The following DCBLD2 variants were observed in gnomAD, a reference collection of about 807,000 sequenced individuals.
DCBLD2 encodes discoidin, CUB and LCCL domain containing 2.
DCBLD2 carries 54 observed loss-of-function variants against 86.8 expected under a neutral mutation model. The observed-to-expected ratio is 0.62, with a 90% CI of 0.50 to 0.78. DCBLD2 has a LOEUF of 0.78. Among genes scored for constraint, DCBLD2 ranks in the 30% least tolerant of loss-of-function variants. The probability of loss-of-function intolerance (pLI) is 0.00; values close to 1 mark genes in which losing one functional copy is unlikely to be tolerated. For synonymous variants in DCBLD2, 354 were observed against 341.3 expected (o/e 1.04, Z -0.41); for missense variants, 908 against 954.2 (o/e 0.95, Z 0.64).
In DCBLD2 at chr3:98,901,102, A is replaced by T; in HGVS notation, c.205+20T>A. 1 of 1,538,712 alleles carries T rather than the reference A, an allele frequency of 6.5e-7. No homozygotes were observed. Among genetic ancestry groups the T allele is most frequent in the Admixed American group, 2.0e-5 (1 of 50,980 alleles). ...CCCGACGGAGGTTCCCCCGCCGCTCACTCCCCTGGGACCACTCACCTTGCT... is the reference window on the plus strand; with the variant it reads ...CCCGACGGAGGTTCCCCCGCCGCTCTCTCCCCTGGGACCACTCACCTTGCT... On this transcript the variant is annotated intron_variant, in intron 1 of 15. Transcript: ENST00000326840.
intron 1 of DCBLD2, among the ~76,000 whole-genome samples, chr3:98,886,760 G>A (rs1439180357): frequency 6.7e-6 from 1 of 148,458 alleles, no homozygotes; most frequent in Non-Finnish European, 1.5e-5. Flanking sequence ...AAGGTCAGAT[G>A]TGTTAAGCCA....
intron 1 of DCBLD2, among the ~76,000 whole-genome samples, chr3:98,898,334 G>A (rs1466292524): frequency 6.6e-6 from 1 of 150,864 alleles, no homozygotes; most frequent in Non-Finnish European, 1.5e-5. Flanking sequence ...AATATATTCT[G>A]CTATTTCAAA....
At chr3:98,832,005 C>T (rs1208570022) in intron 3 of DCBLD2, among the ~76,000 whole-genome samples, 1 of 152,128 alleles carries the variant, frequency 6.6e-6, no homozygotes, top group Non-Finnish European at 1.5e-5. Context: ...TGTTAATTTT[C>T]TGCTTAGATG....
chr3:98,884,818 G>A (rs1943531615), intron 1 of DCBLD2, among the ~76,000 whole-genome samples: 1 of 152,146 alleles, frequency 6.6e-6, no homozygotes, highest in Non-Finnish European at 1.5e-5. Flanking sequence ...TCTATTAACA[G>A]CTGAATCTAC....
chr3:98,843,378 G>A (rs538209299), intron 3 of DCBLD2, among the ~76,000 whole-genome samples: 12 of 152,134 alleles, frequency 7.9e-5, no homozygotes, highest in African/African-American at 2.9e-4. Flanking sequence ...TAACAAATAG[G>A]AACCTAGCCA....
At chr3:98,864,524 A>G (rs1419945447) in intron 2 of DCBLD2, among the ~76,000 whole-genome samples, 1 of 152,264 alleles carries the variant, frequency 6.6e-6, no homozygotes, top group Non-Finnish European at 1.5e-5. Flanking sequence ...CTATGCAACC[A>G]TAAAAAAAGA....
chr3:98,801,438 T>C, intron 14 of DCBLD2, 162 bp downstream of exon 14: 1 of 484,864 alleles, frequency 2.1e-6, no homozygotes, highest in East Asian at 3.1e-5. Flanking sequence ...CAAGAGACTT[T>C]GCAGAAGGGT....
chr3:98,882,202 T>G (rs1943483890), intron 1 of DCBLD2, among the ~76,000 whole-genome samples: 1 of 152,196 alleles, frequency 6.6e-6, no homozygotes, highest in South Asian at 2.1e-4. Flanking sequence ...GTTACTTATA[T>G]AATTTATAAG....
chr3:98,859,444 C>T (rs576268663), intron 2 of DCBLD2, among the ~76,000 whole-genome samples: 1 of 152,296 alleles, frequency 6.6e-6, no homozygotes, highest in Non-Finnish European at 1.5e-5. Flanking sequence ...GGGTCCCTGA[C>T]CCCCAAGTAG....
At chr3:98,890,462 A>G (rs1277866037) in intron 1 of DCBLD2, 2 of 152,130 alleles carry the variant, frequency 1.3e-5, no homozygotes, top group East Asian at 3.8e-4. Flanking sequence ...CATAACTGTG[A>G]GACAATAAAT....
At chr3:98,825,433 G>T in intron 3 of DCBLD2, 67 bp from the exon 4 acceptor site, 1 of 1,231,086 alleles carries the variant, frequency 8.1e-7, no homozygotes, top group Non-Finnish European at 1.1e-6. Context: ...AACTCCAAGT[G>T]TCTCAGAATC....
At chr3:98,864,319 T>TA (rs1342529718) in intron 2 of DCBLD2, among the ~76,000 whole-genome samples, 1 of 152,164 alleles carries the variant, frequency 6.6e-6, no homozygotes. Flanking sequence ...ATCTAGAACT[T>TA]AAAATACCAT....
intron 3 of DCBLD2, among the ~76,000 whole-genome samples, chr3:98,833,991 G>C (rs905763551): frequency 6.6e-6 from 1 of 152,170 alleles, no homozygotes; most frequent in Non-Finnish European, 1.5e-5. Context: ...GACTACTCCA[G>C]TAAACTAGGG....
chr3:98,848,283 T>C (rs1490967733), intron 3 of DCBLD2, among the ~76,000 whole-genome samples: 1 of 152,356 alleles, frequency 6.6e-6, no homozygotes, highest in East Asian at 1.9e-4. Context: ...GCTCCATCCA[T>C]GTCCCTGCAA....
chr3:98,888,587 A>G (rs1943600434), intron 1 of DCBLD2, among the ~76,000 whole-genome samples: 1 of 152,050 alleles, frequency 6.6e-6, no homozygotes, highest in Non-Finnish European at 1.5e-5. Flanking sequence ...GTCCTAAGCC[A>G]TAACAATGTG....
intron 3 of DCBLD2, among the ~76,000 whole-genome samples, chr3:98,845,805 G>C (rs946976220): frequency 6.6e-6 from 1 of 152,032 alleles, no homozygotes; most frequent in South Asian, 2.1e-4. Flanking sequence ...CTACCATCAG[G>C]TTTTTGCACC....
intron 13 of DCBLD2, among the ~76,000 whole-genome samples, chr3:98,803,894 C>G (rs1309856442): frequency 1.7e-4 from 26 of 152,160 alleles, no homozygotes; most frequent in Non-Finnish European, 3.4e-4. Context: ...AGGGATGAAG[C>G]CCACTTGATC....
At chr3:98,813,917 A>C (rs1660804308) in intron 9 of DCBLD2, 1 of 152,212 alleles carries the variant, frequency 6.6e-6, no homozygotes, top group African/African-American at 2.4e-5. Flanking sequence ...CAGGGCAGCA[A>C]CTTGACTCTG....
At chr3:98,811,047 T>C (rs1361277361) in intron 12 of DCBLD2, 147 bp downstream of exon 12, 4 of 903,508 alleles carry the variant, frequency 4.4e-6, no homozygotes, top group East Asian at 3.1e-5. Flanking sequence ...AGTCTTTTCC[T>C]ATGAAAGAAA....
Sources: allele counts gnomAD v4.1 joint callset (sites outside exome capture counted in the v4.1 genomes callset), GRCh38; gene constraint gnomAD v4.1.1; transcripts MANE v1.5; gene names NCBI Gene and HGNC (gene_info 2026-07-23, HGNC 2026-07-21).